SFPQ: variants seen among roughly 807,000 people sequenced by gnomAD.
The protein encoded by SFPQ is splicing factor proline and glutamine rich.
SFPQ carries 11 observed loss-of-function variants against 72.9 expected under a neutral mutation model. That is an observed-to-expected ratio of 0.15 (90% CI 0.09 to 0.25). The LOEUF (loss-of-function observed/expected upper bound fraction) is 0.25. Among genes scored for constraint, SFPQ ranks in the 10% least tolerant of loss-of-function variants. The pLI is 1.00. For synonymous variants in SFPQ, 506 were observed against 367.3 expected, an observed-to-expected ratio of 1.38 and a Z score of -4.32; for missense variants, 847 against 993.3, an observed-to-expected ratio of 0.85 and a Z score of 1.98.
At chr1:35,191,649 A>T (rs1340044862) in intron 1 of SFPQ, 120 bp from the exon 2 acceptor site, 2 of 719,404 alleles carry the variant, frequency 2.8e-6, no homozygotes, top group African/African-American at 3.6e-5. Flanking sequence ...GGTCAAAATC[A>T]AGGTTTTACT....
chr1:35,178,962 C>T (rs1317581425), downstream of SFPQ: 1 of 1,053,728 alleles, frequency 9.5e-7, no homozygotes, highest in Non-Finnish European at 1.1e-6. Context: ...TTACCAGCAA[C>T]TGTTGAGATT....
chr1:35,191,149 C>T (rs1639976786), intron 2 of SFPQ, among the ~76,000 whole-genome samples, 154 bp from the exon 3 acceptor site: 1 of 152,128 alleles, frequency 6.6e-6, no homozygotes, highest in Admixed American at 6.5e-5. Context: ...AGTTTACCCA[C>T]CCCACCCCTC....
Position 35,192,698 on chromosome 1 carries a change from CG to C in SFPQ, c.351del (p.Ala118LeufsTer4). 6.9e-7 allele frequency: 1 copy of C among 1,442,610 alleles called. No homozygotes were observed. Among genetic ancestry groups the C allele is most frequent in the Non-Finnish European group, 9.0e-7 (1 of 1,106,014 alleles). The allele number at this position is 1,442,610 out of a possible 1,614,324, so 89.4% of individuals were successfully genotyped here. Reference sequence around the variant, plus strand: ...GGTGGTGCGCTGCCTACTCCGGGAGCGGGGCCGGGTCCCTGAGCAACGACGG... The same window carrying C: ...GGTGGTGCGCTGCCTACTCCGGGAGCGGGCCGGGTCCCTGAGCAACGACGG... ...SKPVVAQGPG[P>X]APGVGSAPPA... On this transcript the variant is annotated frameshift_variant, in exon 1 of 10. Coordinates refer to ENST00000357214, the MANE Select transcript of SFPQ (RefSeq NM_005066.3). LOFTEE classifies it high-confidence loss of function.
At position 35,192,363 on chromosome 1, in the gene SFPQ, G is replaced by A; in HGVS notation, c.687C>T (p.Gly229=). The change falls in exon 1 of 10, where the codon GGC becomes GGT. Residue 229 remains glycine, a synonymous_variant. Transcript: ENST00000357214. ...GGGPGLSTPG[G]HPKPPHRGGG... is the part of the protein sequence containing the mutation. Reference sequence around the variant, plus strand: ...CGCCTCGATGCGGCGGCTTGGGGTGGCCGCCAGGCGTACTTAGGCCCGGGC... The same window carrying A: ...CGCCTCGATGCGGCGGCTTGGGGTGACCGCCAGGCGTACTTAGGCCCGGGC... The A allele has an allele frequency of 5.0e-6, 7 of 1,388,038 alleles. No individual in the cohort carries two copies. Among genetic ancestry groups the A allele is most frequent in the South Asian group, 1.6e-5 (1 of 61,772 alleles). 86.0% of individuals were successfully genotyped at this position (1,388,038 alleles called of 1,614,324 possible).
rs768795008 is a variant in SFPQ, at chr1:35,192,801, T to C, written c.249A>G (p.Pro83=). The C allele has an allele frequency of 7.8e-5, 117 of 1,497,904 alleles. No homozygotes were observed. The highest frequency in any genetic ancestry group is 4.5e-4 in the Middle Eastern group (2 of 4,400). 92.8% of individuals were successfully genotyped at this position (1,497,904 alleles called of 1,614,324 possible). A position where few individuals can be genotyped will look rare whatever the true frequency, so the allele number is the denominator to read the frequency against. Residue 83 remains proline (P), a synonymous_variant, in exon 1 of 10, where the codon CCA becomes CCG. Transcript: ENST00000357214. Reference sequence around the variant, plus strand: ...GTGGATGCGGCGGCGGCTGATGCGGTGGCGGCTGCTGCGGCGGTGGCTGCT... The same window carrying C: ...GTGGATGCGGCGGCGGCTGATGCGGCGGCGGCTGCTGCGGCGGTGGCTGCT... The part of the protein sequence containing the change: ...PPQQPPPQQP[P]PHQPPPHPQP...
At chr1:35,177,495 G>C (rs1222371167) in intron 4 of SFPQ, 1 of 152,174 alleles carries the variant, frequency 6.6e-6, no homozygotes, top group Non-Finnish European at 1.5e-5. Flanking sequence ...TGGGACCACA[G>C]GCACACACCA....
rs536058560 is a variant in SFPQ at position 35,191,676 on chromosome 1, A to G, written c.829-147T>C. 124 of 627,724 alleles carry G rather than the reference A, an allele frequency of 2.0e-4. 1 individual carries two copies. The Admixed American group carries it at 3.3e-3, about 16-fold the overall frequency. 38.9% of individuals were successfully genotyped at this position (627,724 alleles called of 1,614,324 possible). A position where few individuals can be genotyped will look rare whatever the true frequency, so the allele number is the denominator to read the frequency against. ...GGTTTTACTATGTGAGATTTCTAAC[A>G]TGAGCACTATCTTAACATTGAAAAA... On this transcript the variant is annotated intron_variant, in intron 1 of 9. Transcript: ENST00000357214.
downstream of SFPQ, chr1:35,179,322 T>C: frequency 9.4e-7 from 1 of 1,058,562 alleles, no homozygotes; most frequent in Non-Finnish European, 1.1e-6. Context: ...AGTGAGACTA[T>C]TATGCATTCT....
At position 35,192,684 on chromosome 1, in the gene SFPQ, G is replaced by C; in HGVS notation, c.366C>G (p.Gly122=). 7.0e-7 allele frequency: 1 copy of C among 1,428,334 alleles called. No homozygotes were observed. The highest frequency in any genetic ancestry group is 9.1e-7 in the Non-Finnish European group (1 of 1,099,452). 88.5% of individuals were successfully genotyped at this position (1,428,334 alleles called of 1,614,324 possible). A position where few individuals can be genotyped will look rare whatever the true frequency, so the allele number is the denominator to read the frequency against. ...CCGAGCTGGAGGCTGGTGGTGCGCT[G>C]CCTACTCCGGGAGCGGGGCCGGGTC... is the stretch of plus-strand genomic sequence containing the variant. ...AQGPGPAPGV[G]SAPPASSSAP... Residue 122 remains glycine, a synonymous_variant, in exon 1 of 10, where the codon GGC becomes GGG. Coordinates refer to ENST00000357214, the MANE Select transcript of SFPQ (RefSeq NM_005066.3).
intron 9 of SFPQ, among the ~76,000 whole-genome samples, 156 bp downstream of exon 9, chr1:35,186,845 G>A (rs930070608): frequency 1.3e-5 from 2 of 152,062 alleles, no homozygotes; most frequent in Non-Finnish European, 2.9e-5. Context: ...TGTTGCCAAA[G>A]TATTCCTCAA....
At chr1:35,192,152 G>C (rs891128487) in intron 1 of SFPQ, 70 bp downstream of exon 1, 2 of 1,210,966 alleles carry the variant, frequency 1.7e-6, no homozygotes, top group Non-Finnish European at 2.1e-6. Context: ...AGCCCAGCGC[G>C]GGGGCGGGGG....
In SFPQ at chr1:35,193,137, G is replaced by A. The variant is rs545218193; in HGVS notation, c.-88C>T. ...CCTTGCTTCTCACAAAATGGCGGAT[G>A]ACACAGGCGGCGCGCCGCCTTTGTC... On this transcript the variant is annotated 5_prime_UTR_variant, in exon 1 of 10. Transcript: ENST00000357214. 2.0e-6 allele frequency: 3 copies of A among 1,475,864 alleles called. No homozygotes were observed. The highest frequency in any genetic ancestry group is 1.8e-4 in the Middle Eastern group (1 of 5,440). The allele number at this position is 1,475,864 out of a possible 1,614,324, so 91.4% of individuals were successfully genotyped here.
At chr1:35,182,233 T>A (rs1639497719), downstream of SFPQ, 2 of 985,292 alleles carry the variant, frequency 2.0e-6, no homozygotes, top group African/African-American at 1.7e-5. Context: ...TATTTTCTTG[T>A]CTTTAGTAGA....
At chr1:35,179,790 T>C (rs186118460), downstream of SFPQ, 40 of 1,054,892 alleles carry the variant, frequency 3.8e-5, no homozygotes, top group African/African-American at 6.3e-4. Context: ...TGTTACTGAC[T>C]GGTAAGAAAT....
intron 9 of SFPQ, among the ~76,000 whole-genome samples, chr1:35,185,201 G>A (rs1454123762): frequency 6.6e-6 from 1 of 152,138 alleles, no homozygotes; most frequent in Non-Finnish European, 1.5e-5. Flanking sequence ...TCACTTAACC[G>A]GCACAGTAAC....
chr1:35,187,742 C>A (rs533412810), intron 7 of SFPQ, among the ~76,000 whole-genome samples: 2 of 151,268 alleles, frequency 1.3e-5, no homozygotes, highest in Non-Finnish European at 3.0e-5. Context: ...AAAAAAAAAC[C>A]AAACAAACAA....
chr1:35,181,575 T>A (rs192433068), downstream of SFPQ: 643 of 1,061,708 alleles, frequency 6.1e-4, 1 homozygote, highest in African/African-American at 0.01. Flanking sequence ...AAAATACCTA[T>A]TAAATACACT....
chr1:35,188,075 T>A lies in SFPQ; in HGVS notation c.1713A>T (p.Arg571=), dbSNP rs575519895. ...TCATCATCTCTTCCTCTCTTCTACG[T>A]CGTTCCTCCTCTTGCCTAGAAATAC... ...KEMQLRQEEE[R]RRREEEMMIR... The change falls in exon 7 of 10, where the codon CGA becomes CGT. Residue 571 remains arginine (R), a synonymous_variant. Transcript: ENST00000357214. 2.9e-5 allele frequency: 46 copies of A among 1,613,202 alleles called. No individual in the cohort carries two copies. Among genetic ancestry groups the A allele is most frequent in the Non-Finnish European group, 3.8e-5 (45 of 1,179,284 alleles).
At chr1:35,182,296 C>A, downstream of SFPQ, 1 of 985,190 alleles carries the variant, frequency 1.0e-6, no homozygotes, top group Non-Finnish European at 1.2e-6. Context: ...CTAATCAAGA[C>A]CCTTGTTTCC....
Sources: gnomAD v4.1 joint callset for allele counts (sites outside exome capture counted in the v4.1 genomes callset) on GRCh38, gnomAD v4.1.1 for gene constraint, MANE v1.5 for transcripts, NCBI Gene and HGNC (gene_info 2026-07-23, HGNC 2026-07-21) for gene names.